Variants in PVT1 observed in about 807,000 individuals in gnomAD.
PVT1 encodes CXCR4/PVT1 fusion.
At chr8:128,073,651 C>G (rs1814028025) in intron 5 of PVT1, among the ~76,000 whole-genome samples, 1 of 152,088 alleles carries the variant, frequency 6.6e-6, no homozygotes, top group African/African-American at 2.4e-5. Flanking sequence ...TGCGCCAACC[C>G]ATTTCAACTT....
intron 4 of PVT1, among the ~76,000 whole-genome samples, chr8:128,050,161 T>C (rs1030175796): frequency 6.6e-6 from 1 of 152,202 alleles, no homozygotes; most frequent in Non-Finnish European, 1.5e-5. Context: ...TCCCTCTCCC[T>C]GGACCCATTC....
At chr8:127,999,913 C>T (rs1312552754) in intron 4 of PVT1, among the ~76,000 whole-genome samples, 1 of 152,200 alleles carries the variant, frequency 6.6e-6, no homozygotes, top group African/African-American at 2.4e-5. Flanking sequence ...CCTCATTCAA[C>T]AAAAATCAAG....
chr8:128,077,449 C>A (rs909127627), intron 5 of PVT1, among the ~76,000 whole-genome samples: 1 of 152,062 alleles, frequency 6.6e-6, no homozygotes, highest in African/African-American at 2.4e-5. Context: ...AATAGGTGCT[C>A]AATCCACATT....
chr8:127,983,675 C>T lies in PVT1; in HGVS notation n.783-5487C>T, dbSNP rs1015909764. On this transcript the variant is annotated intron_variant and non_coding_transcript_variant, in intron 3 of 10. Transcript: ENST00000651587. ...TTCAGTGTGTGCTCCCCAAGGATAA[C>T]GACATTCTTTTACATAACGACTGTA... Among the ~76,000 whole-genome samples, 8 of 152,086 alleles carry T rather than the reference C, an allele frequency of 5.3e-5. No homozygotes were observed. The East Asian group carries it at 7.7e-4, about 15-fold the overall frequency.
intron 3 of PVT1, among the ~76,000 whole-genome samples, chr8:127,908,200 A>G (rs781341326): frequency 1.3e-5 from 2 of 152,034 alleles, no homozygotes; most frequent in Non-Finnish European, 2.9e-5. Flanking sequence ...AGTATTCCGT[A>G]CACAGTCCTT....
intron 3 of PVT1, among the ~76,000 whole-genome samples, chr8:127,960,939 G>A (rs367801408): frequency 4.1e-5 from 5 of 120,968 alleles, no homozygotes; most frequent in African/African-American, 1.7e-4. Flanking sequence ...TGTGTGTTTG[G>A]GGGTGGGGGG....
chr8:127,926,941 C>T (rs902777714), intron 3 of PVT1, among the ~76,000 whole-genome samples: 13 of 152,190 alleles, frequency 8.5e-5, no homozygotes, highest in African/African-American at 3.1e-4. Context: ...CATTGAATCA[C>T]AGCCTTGGCA....
chr8:127,931,106 A>G (rs1335776609), intron 3 of PVT1, among the ~76,000 whole-genome samples: 1 of 152,066 alleles, frequency 6.6e-6, no homozygotes, highest in African/African-American at 2.4e-5. Context: ...GGGTTTCACT[A>G]TGTTGCCCAC....
At chr8:128,084,406 A>C (rs1195924789) in intron 5 of PVT1, among the ~76,000 whole-genome samples, 1 of 152,174 alleles carries the variant, frequency 6.6e-6, no homozygotes, top group Non-Finnish European at 1.5e-5. Context: ...CTCTGCTCAG[A>C]TGTCAACTCT....
chr8:127,926,016 T>G (rs949360807), intron 3 of PVT1, among the ~76,000 whole-genome samples: 3 of 152,160 alleles, frequency 2.0e-5, no homozygotes, highest in Non-Finnish European at 4.4e-5. Context: ...TGATTTCAGA[T>G]GTCAGCTCTC....
chr8:127,891,651 A>G (rs151096021), intron 3 of PVT1, among the ~76,000 whole-genome samples: 1 of 152,342 alleles, frequency 6.6e-6, no homozygotes, highest in Non-Finnish European at 1.5e-5. Context: ...GACACTCAGC[A>G]TGTGGTGGGT....
intron 3 of PVT1, among the ~76,000 whole-genome samples, chr8:127,953,406 T>G (rs1816530910): frequency 6.6e-6 from 1 of 152,174 alleles, no homozygotes; most frequent in Non-Finnish European, 1.5e-5. Flanking sequence ...CTTGTCTCCA[T>G]CTGCAAAAAT....
chr8:127,870,105 A>G (rs1459546005), intron 2 of PVT1, among the ~76,000 whole-genome samples: 1 of 152,176 alleles, frequency 6.6e-6, no homozygotes, highest in Admixed American at 6.5e-5. Context: ...TGCCTGGTGG[A>G]CATTGGGTCT....
At chr8:128,014,613 G>C (rs925047403) in intron 4 of PVT1, among the ~76,000 whole-genome samples, 42 of 152,302 alleles carry the variant, frequency 2.8e-4, no homozygotes, top group South Asian at 2.1e-4. Flanking sequence ...CAGACTTGGC[G>C]GGGAAGGTGG....
chr8:127,962,340 A>G (rs1464084076), intron 3 of PVT1, among the ~76,000 whole-genome samples: 1 of 152,204 alleles, frequency 6.6e-6, no homozygotes, highest in Non-Finnish European at 1.5e-5. Context: ...TGTTGTACAC[A>G]TGATCATCGG....
intron 3 of PVT1, among the ~76,000 whole-genome samples, chr8:127,912,737 C>T (rs1334854082): frequency 6.6e-6 from 1 of 151,772 alleles, no homozygotes; most frequent in Non-Finnish European, 1.5e-5. Context: ...CACTCTGTCA[C>T]CCAGGCTGGA....
At chr8:127,971,566 A>C (rs931526572) in intron 3 of PVT1, among the ~76,000 whole-genome samples, 25 of 152,232 alleles carry the variant, frequency 1.6e-4, no homozygotes, top group African/African-American at 5.5e-4. Context: ...GAATCAATGA[A>C]GAGGGCAGCC....
At chr8:127,874,019 C>G (rs1261886594) in intron 2 of PVT1, among the ~76,000 whole-genome samples, 3 of 152,206 alleles carry the variant, frequency 2.0e-5, no homozygotes, top group African/African-American at 7.2e-5. Flanking sequence ...GCTGTGTAGT[C>G]ACTGTCCTCA....
intron 2 of PVT1, among the ~76,000 whole-genome samples, chr8:127,878,915 G>A (rs73357025): frequency 0.011 from 1,739 of 152,292 alleles, 39 homozygotes; most frequent in African/African-American, 0.04. Flanking sequence ...CCTGAGCCTA[G>A]GGGGAATGAT....
Sources: allele counts gnomAD v4.1 joint callset (sites outside exome capture counted in the v4.1 genomes callset), GRCh38; gene constraint gnomAD v4.1.1; transcripts MANE v1.5; gene names NCBI Gene and HGNC (gene_info 2026-07-23, HGNC 2026-07-21).